Variants in DLG2 observed in about 807,000 individuals in gnomAD.
DLG2 encodes the protein disks large homolog 2.
In DLG2, 45 loss-of-function variants were observed where a neutral mutation model predicts 132.5. That is an observed-to-expected ratio of 0.34 (90% CI 0.27 to 0.44). The LOEUF (loss-of-function observed/expected upper bound fraction) is 0.44, where lower values mean the gene tolerates loss of function less well. Among genes scored for constraint, DLG2 ranks in the 20% least tolerant of loss-of-function variants. The pLI is 1.00. For missense variants in DLG2, 1,045 were observed against 1,196.9 expected, an observed-to-expected ratio of 0.87 and a Z score of 1.87; for synonymous variants, 424 against 419.6, an observed-to-expected ratio of 1.01 and a Z score of -0.13.
chr11:83,963,119 C>A, intron 13 of DLG2, 96 bp from the exon 14 acceptor site: 1 of 1,386,518 alleles, frequency 7.2e-7, no homozygotes, highest in East Asian at 2.3e-5. Context: ...AACAGAAAGG[C>A]TTTGCTGCAT....
chr11:84,028,663 T>C (rs1435032753), intron 11 of DLG2, among the ~76,000 whole-genome samples: 1 of 152,154 alleles, frequency 6.6e-6, no homozygotes, highest in Non-Finnish European at 1.5e-5. Flanking sequence ...CATGGCCTCC[T>C]GCCTATTAAG....
intron 8 of DLG2, among the ~76,000 whole-genome samples, chr11:84,164,010 G>T (rs902981643): frequency 6.6e-6 from 1 of 152,068 alleles, no homozygotes; most frequent in Non-Finnish European, 1.5e-5. Context: ...TCAAGCTCAG[G>T]TAAATCATCC....
At position 83,583,846 on chromosome 11, in the gene DLG2, A is replaced by G. The variant is rs532608554; in HGVS notation, c.1941-41988T>C. Among the ~76,000 whole-genome samples, 5 of 152,360 alleles carry G rather than the reference A, an allele frequency of 3.3e-5. No homozygotes were observed. In the East Asian group the frequency reaches 9.6e-4, roughly 29 times the overall value. On this transcript the variant is annotated intron_variant, in intron 19 of 27. Transcript: ENST00000376104. ...GAAAATAGGTAAGATTCAAAATGCA[A>G]AATTCAACAGAAATATGTTTGTAGT...
intron 3 of DLG2, among the ~76,000 whole-genome samples, chr11:85,516,321 A>G (rs2094167580): frequency 1.3e-5 from 2 of 152,044 alleles, no homozygotes; most frequent in Non-Finnish European, 2.9e-5. Flanking sequence ...GTTTTGAGCA[A>G]TAAATTTATA....
intron 11 of DLG2, among the ~76,000 whole-genome samples, chr11:83,995,039 C>G (rs76945602): frequency 0.021 from 3,235 of 151,022 alleles, 112 homozygotes; most frequent in South Asian, 0.045. Flanking sequence ...CCAGTACGAC[C>G]TCATCTTAAC....
At chr11:85,296,397 C>T (rs1202864169) in intron 3 of DLG2, among the ~76,000 whole-genome samples, 1 of 151,574 alleles carries the variant, frequency 6.6e-6, no homozygotes, top group Non-Finnish European at 1.5e-5. Context: ...CCTCTCATCT[C>T]CTCAAATCGG....
At chr11:84,118,013 C>T (rs1213628530) in intron 9 of DLG2, among the ~76,000 whole-genome samples, 1 of 151,858 alleles carries the variant, frequency 6.6e-6, no homozygotes, top group Non-Finnish European at 1.5e-5. Context: ...GTGCCACCAC[C>T]CTCAGCTAAT....
chr11:83,794,680 G>A (rs1278476523), intron 17 of DLG2, among the ~76,000 whole-genome samples: 1 of 152,064 alleles, frequency 6.6e-6, no homozygotes, highest in Admixed American at 6.6e-5. Context: ...TAATCCTCAG[G>A]AGGGTGGGAT....
intron 6 of DLG2, among the ~76,000 whole-genome samples, chr11:84,682,622 T>G (rs542682355): frequency 2.8e-4 from 42 of 152,196 alleles, no homozygotes; most frequent in African/African-American, 9.9e-4. Context: ...GTTCTGCCAC[T>G]GGAGGAAAAA....
chr11:84,196,160 G>A (rs2096512372), intron 8 of DLG2, among the ~76,000 whole-genome samples: 1 of 152,142 alleles, frequency 6.6e-6, no homozygotes, highest in Admixed American at 6.5e-5. Context: ...TCTTTTGAGT[G>A]CTTTTTATAA....
chr11:83,628,603 T>C (rs1162438687), intron 19 of DLG2, among the ~76,000 whole-genome samples: 1 of 152,146 alleles, frequency 6.6e-6, no homozygotes, highest in East Asian at 1.9e-4. Context: ...TGTAAAACAA[T>C]AGAATAATGG....
At chr11:84,444,607 C>T (rs2099027454) in intron 7 of DLG2, among the ~76,000 whole-genome samples, 1 of 151,818 alleles carries the variant, frequency 6.6e-6, no homozygotes, top group Non-Finnish European at 1.5e-5. Context: ...ATAATTGTTT[C>T]CTGGCTTTTT....
At chr11:83,798,899 T>G (rs2043563086) in intron 17 of DLG2, among the ~76,000 whole-genome samples, 1 of 152,234 alleles carries the variant, frequency 6.6e-6, no homozygotes, top group Admixed American at 6.5e-5. Context: ...TGTTGCCAAC[T>G]CTGCCATCAA....
chr11:83,932,704 AT>A (rs35400863), intron 14 of DLG2, among the ~76,000 whole-genome samples: 124,835 of 148,050 alleles, frequency 0.84, 54,660 homozygotes, highest in East Asian at 1. Context: ...TGAATAGATA[AT>A]TTTTTTTTTT....
chr11:84,760,984 C>G (rs565389221), intron 6 of DLG2, among the ~76,000 whole-genome samples: 337 of 152,256 alleles, frequency 2.2e-3, no homozygotes, highest in Non-Finnish European at 3.8e-3. Flanking sequence ...TCCTTTGCAC[C>G]CACGTGTGAT....
chr11:84,253,067 T>C (rs555497018), intron 7 of DLG2, among the ~76,000 whole-genome samples: 6 of 152,260 alleles, frequency 3.9e-5, no homozygotes, highest in African/African-American at 1.4e-4. Context: ...CATATGTATA[T>C]AATGGATCAA....
At chr11:85,115,136 C>T (rs2073384800) in intron 5 of DLG2, among the ~76,000 whole-genome samples, 1 of 151,722 alleles carries the variant, frequency 6.6e-6, no homozygotes, top group African/African-American at 2.4e-5. Flanking sequence ...TAGAACTGTA[C>T]ACATATTTGC....
chr11:85,067,557 T>A (rs978187681), intron 6 of DLG2, among the ~76,000 whole-genome samples: 2 of 151,716 alleles, frequency 1.3e-5, no homozygotes, highest in African/African-American at 4.8e-5. Context: ...TTTGTTCTCA[T>A]TGGTTTCACC....
intron 7 of DLG2, among the ~76,000 whole-genome samples, chr11:84,335,342 G>A (rs911510591): frequency 6.6e-6 from 1 of 152,068 alleles, no homozygotes; most frequent in Non-Finnish European, 1.5e-5. Flanking sequence ...TTATACCATT[G>A]CTGGCACTGG....
Sources: allele counts gnomAD v4.1 joint callset (sites outside exome capture counted in the v4.1 genomes callset), GRCh38; gene constraint gnomAD v4.1.1; transcripts MANE v1.5; gene names NCBI Gene and HGNC (gene_info 2026-07-23, HGNC 2026-07-21).